Variants in ITPR1 observed in about 807,000 individuals in gnomAD.
ITPR1 encodes inositol 1,4,5-trisphosphate receptor type 1, also known as inositol 1,4,5-trisphosphate-gated calcium channel ITPR1.
In ITPR1, 96 loss-of-function variants were observed where a neutral mutation model predicts 318.4. That is an observed-to-expected ratio of 0.30 (90% CI 0.26 to 0.36). The LOEUF is 0.36. Ranked by LOEUF, ITPR1 falls within the 10% of genes least tolerant of loss-of-function variation. The probability of loss-of-function intolerance (pLI) is 1.00; values close to 1 mark genes in which losing one functional copy is unlikely to be tolerated. For missense variants in ITPR1, 2,440 were observed against 3,460.2 expected, an observed-to-expected ratio of 0.71 and a Z score of 7.40; for synonymous variants, 1,312 against 1,289.9, an observed-to-expected ratio of 1.02 and a Z score of -0.37.
intron 4 of ITPR1, among the ~76,000 whole-genome samples, chr3:4,600,447 G>T (rs1362465189): frequency 6.6e-6 from 1 of 152,026 alleles, no homozygotes; most frequent in African/African-American, 2.4e-5. Flanking sequence ...ACAGGCTGGA[G>T]CTCGGAAAGG....
intron 4 of ITPR1, among the ~76,000 whole-genome samples, chr3:4,585,040 T>C (rs1354667980): frequency 6.6e-6 from 1 of 152,224 alleles, no homozygotes; most frequent in Non-Finnish European, 1.5e-5. Flanking sequence ...CAGTGAGAGC[T>C]GGTGAGACCC....
At chr3:4,550,542 A>G (rs2085463236) in intron 4 of ITPR1, among the ~76,000 whole-genome samples, 1 of 152,142 alleles carries the variant, frequency 6.6e-6, no homozygotes, top group South Asian at 2.1e-4. Flanking sequence ...ATTCCCTGAG[A>G]GCATAATTAG....
chr3:4,636,224 T>C (rs1239840884), intron 5 of ITPR1, among the ~76,000 whole-genome samples: 1 of 152,132 alleles, frequency 6.6e-6, no homozygotes, highest in Admixed American at 6.6e-5. Context: ...ATTTGTGCAT[T>C]TAGAAAAGAA....
In ITPR1 at chr3:4,657,777, T is replaced by C. The variant is rs539571311; in HGVS notation, c.997-347T>C. ...ACTGCAGCCAGCCTGGGCTAATTTTTTGTATCTTTAGTAGAGACGGGGTTT... is the reference window on the plus strand; with the variant it reads ...ACTGCAGCCAGCCTGGGCTAATTTTCTGTATCTTTAGTAGAGACGGGGTTT... On this transcript the variant is annotated intron_variant, in intron 12 of 61. Transcript: ENST00000649015. Among the ~76,000 whole-genome samples the C allele has an allele frequency of 1.1e-4, 16 of 152,308 alleles. No individual in the cohort carries two copies. In the South Asian group the frequency reaches 3.3e-3, roughly 32 times the overall value.
intron 25 of ITPR1, 142 bp downstream of exon 25, chr3:4,680,833 C>T (rs1484638523): frequency 2.7e-6 from 2 of 728,474 alleles, no homozygotes; most frequent in Non-Finnish European, 4.4e-6. Flanking sequence ...GGCAGTTACT[C>T]TTTTTGAGCA....
intron 7 of ITPR1, among the ~76,000 whole-genome samples, chr3:4,642,791 C>T (rs1575857420): frequency 6.6e-6 from 1 of 152,254 alleles, no homozygotes; most frequent in African/African-American, 2.4e-5. Flanking sequence ...CACAGGAAGG[C>T]TTTTCAGGGA....
At chr3:4,619,485 A>C (rs1290918152) in intron 4 of ITPR1, among the ~76,000 whole-genome samples, 221 of 96,488 alleles carry the variant, frequency 2.3e-3, no homozygotes, top group Admixed American at 4.7e-3. Context: ...CTCTCTCCTC[A>C]CTCCTCCCTC....
At position 4,723,181 on chromosome 3, in the gene ITPR1, G is replaced by T. The variant is rs183069549; in HGVS notation, c.5137-2365G>T. On this transcript the variant is annotated intron_variant, in intron 40 of 61. Transcript: ENST00000649015. ...ACAGACACACAAAAAAAGAATATTT[G>T]CTTTGTCCTCCTTGAGTAGGTCAGG... is the stretch of plus-strand genomic sequence containing the variant. Among the ~76,000 whole-genome samples, 45 of 152,246 alleles carry T rather than the reference G, an allele frequency of 3.0e-4. 1 individual carries two copies. The highest frequency in any genetic ancestry group is 1.1e-3 in the African/African-American group (44 of 41,550).
chr3:4,720,349 TAGG>T (rs2042061265), intron 40 of ITPR1, among the ~76,000 whole-genome samples: 1 of 152,166 alleles, frequency 6.6e-6, no homozygotes, highest in Non-Finnish European at 1.5e-5. Context: ...GGTAGCGGCT[TAGG>T]AGATCAGGTG....
In ITPR1 at chr3:4,691,356, A is replaced by G. The variant is rs777341213; in HGVS notation, c.4029+12A>G. 1.3e-5 allele frequency: 20 copies of G among 1,541,606 alleles called. No individual in the cohort carries two copies. Among genetic ancestry groups the G allele is most frequent in the South Asian group, 4.5e-5 (4 of 88,668 alleles). On this transcript the variant is annotated intron_variant, in intron 32 of 61. Coordinates refer to ENST00000649015, the MANE Select transcript of ITPR1 (RefSeq NM_001378452.1). ...TGGTTATGGCCGAGGTGATTGTTAT[A>G]TATTTCTGTATACCTCCATCTGGTG...
intron 23 of ITPR1, 21 bp from the exon 24 acceptor site, chr3:4,676,593 G>T (rs1559671771): frequency 6.2e-7 from 1 of 1,606,926 alleles, no homozygotes; most frequent in South Asian, 1.1e-5. Context: ...TGTGACCGTG[G>T]TCTCTCCTGG....
chr3:4,653,184 C>T (rs935006459), intron 11 of ITPR1, among the ~76,000 whole-genome samples: 2 of 152,186 alleles, frequency 1.3e-5, no homozygotes, highest in African/African-American at 2.4e-5. Context: ...AAGACCCCCA[C>T]TGTTGTCTGG....
chr3:4,638,803 A>G (rs1434986745), intron 5 of ITPR1, among the ~76,000 whole-genome samples: 1 of 152,110 alleles, frequency 6.6e-6, no homozygotes, highest in Non-Finnish European at 1.5e-5. Context: ...AATTGATTAC[A>G]TTATGATTAA....
intron 44 of ITPR1, among the ~76,000 whole-genome samples, chr3:4,755,927 G>A (rs1056833684): frequency 3.3e-5 from 5 of 152,174 alleles, no homozygotes; most frequent in African/African-American, 1.2e-4. Context: ...GGAAGTCTAT[G>A]TTATTTCTGA....
chr3:4,695,596 T>G (rs1416465973), intron 33 of ITPR1, among the ~76,000 whole-genome samples: 1 of 152,156 alleles, frequency 6.6e-6, no homozygotes, highest in African/African-American at 2.4e-5. Context: ...ACAAGCTGAT[T>G]TTTATGTAAT....
intron 40 of ITPR1, among the ~76,000 whole-genome samples, chr3:4,722,646 G>A (rs955201500): frequency 6.6e-6 from 1 of 151,960 alleles, no homozygotes; most frequent in African/African-American, 2.4e-5. Context: ...TTATCCTCAA[G>A]GAAACATAGC....
At chr3:4,527,339 G>A (rs372448361) in intron 4 of ITPR1, among the ~76,000 whole-genome samples, 1 of 152,196 alleles carries the variant, frequency 6.6e-6, no homozygotes, top group East Asian at 1.9e-4. Flanking sequence ...ATCATGCCTG[G>A]CTTCTTTTTA....
intron 51 of ITPR1, 95 bp from the exon 52 acceptor site, chr3:4,787,852 T>C: frequency 1.2e-6 from 1 of 810,976 alleles, no homozygotes; most frequent in Non-Finnish European, 2.0e-6. Flanking sequence ...CATATTATAC[T>C]CAATCTTGAC....
chr3:4,739,603 T>C (rs982796965), intron 44 of ITPR1, among the ~76,000 whole-genome samples: 5 of 152,248 alleles, frequency 3.3e-5, no homozygotes, highest in African/African-American at 4.8e-5. Context: ...GTTCCAGAGC[T>C]GGACAAAACC....
Sources: gnomAD v4.1 joint callset for allele counts (sites outside exome capture counted in the v4.1 genomes callset) on GRCh38, gnomAD v4.1.1 for gene constraint, MANE v1.5 for transcripts, NCBI Gene and HGNC (gene_info 2026-07-23, HGNC 2026-07-21) for gene names.